CHML: variants seen among roughly 807,000 people sequenced by gnomAD.
CHML encodes the protein rab proteins geranylgeranyltransferase component A 2.
Under a neutral mutation model 30.4 loss-of-function variants are expected in CHML, and 20 were observed. The observed-to-expected ratio is 0.66, with a 90% confidence interval of 0.46 to 0.95. CHML has a LOEUF of 0.95. Ranked by LOEUF, CHML falls within the 40% of genes least tolerant of loss-of-function variation. CHML has a pLI of 0.00. For synonymous variants in CHML, 281 were observed against 275.0 expected, an observed-to-expected ratio of 1.02 and a Z score of -0.22; for missense variants, 795 against 768.5, an observed-to-expected ratio of 1.03 and a Z score of -0.41.
In CHML at chr1:241,631,192, A is replaced by C. The variant is rs1189720789; in HGVS notation, c.*2604T>G. The C allele has an allele frequency of 1.3e-5, 2 of 152,038 alleles. No homozygotes were observed. The highest frequency in any genetic ancestry group is 2.9e-5 in the Non-Finnish European group (2 of 67,970). 9.4% of individuals were successfully genotyped at this position (152,038 alleles called of 1,614,324 possible). On this transcript the variant is annotated 3_prime_UTR_variant, in exon 2 of 2. Transcript: ENST00000366553. ...TTATTGGTATAACTTCTCATTTCCC[A>C]CTTATTTTGTATTAAGAAATATATT...
rs765676878 is a variant in CHML, at chr1:241,634,150, G to A, written c.1617C>T (p.Asn539=). 24 of 1,613,452 alleles carry A rather than the reference G, an allele frequency of 1.5e-5. No individual in the cohort carries two copies. The Middle Eastern group carries it at 5.0e-4, about 33-fold the overall frequency. The part of the protein sequence containing the change: ...LFTPYTETEI[N]EEELTKPRLL... ...GTCTTGGCTTTGTAAGTTCTTCCTC[G>A]TTTATTTCTGTTTCAGTATACGGAG... The change falls in exon 2 of 2, where the codon AAC becomes AAT. Residue 539 remains asparagine, a synonymous_variant. Coordinates refer to ENST00000366553, the MANE Select transcript of CHML (RefSeq NM_001381853.1).
rs747649215 is a variant in CHML, at chr1:241,634,080, T to G, written c.1687A>C (p.Ser563Arg). Residue 563 changes from serine to arginine, a missense_variant, in exon 2 of 2, where the codon AGC (serine) becomes CGC (arginine). Coordinates refer to ENST00000366553, the MANE Select transcript of CHML (RefSeq NM_001381853.1). ...GGCAAGCCATTATACGAGCTTCTGC[T>G]GATTCCCGAGGAATCTCTCATATTA... ...YFNMRDSSGI[S>R]RSSYNGLPSN... The G allele has an allele frequency of 6.2e-7, 1 of 1,611,932 alleles. No individual in the cohort carries two copies. The highest frequency in any genetic ancestry group is 1.1e-5 in the South Asian group (1 of 90,674).
chr1:241,634,968 C>A lies in CHML; in HGVS notation c.799G>T (p.Ala267Ser). The A allele has an allele frequency of 6.2e-7, 1 of 1,613,574 alleles. No individual in the cohort carries two copies. Among genetic ancestry groups the A allele is most frequent in the Non-Finnish European group, 8.5e-7 (1 of 1,179,824 alleles). ...TGTTCTACCTTTCCTTCCCGAAATG[C>A]AAGAATCCTAGTGACATTTTTAAAT... ...VEFKNVTRIL[A>S]FREGKVEQVP... The change falls in exon 2 of 2, where the codon GCA becomes TCA. Residue 267 changes from alanine to serine, a missense_variant. Coordinates refer to ENST00000366553, the MANE Select transcript of CHML (RefSeq NM_001381853.1).
rs113330678 is a variant in CHML, at chr1:241,635,455, G to A, written c.312C>T (p.Tyr104=). The A allele has an allele frequency of 1.1e-4, 172 of 1,613,710 alleles. 2 individuals carry two copies. Among genetic ancestry groups the A allele is most frequent in the South Asian group, 8.3e-4 (76 of 91,036 alleles). ...CGTTGTCCTCCATATCCTGACTGGC[G>A]TAGCAAAAAGCTTCTGTGTGTTGAA... is the stretch of plus-strand genomic sequence containing the variant. ...ETIQHTEAFC[Y]ASQDMEDNVE... is the part of the protein sequence containing the mutation. The change falls in exon 2 of 2, where the codon TAC becomes TAT. Residue 104 remains tyrosine (Y), a synonymous_variant. Coordinates refer to ENST00000366553, the MANE Select transcript of CHML (RefSeq NM_001381853.1).
At position 241,635,506 on chromosome 1, in the gene CHML, G is replaced by A. The variant is rs1664860068; in HGVS notation, c.261C>T (p.Ile87=). The A allele has an allele frequency of 1.9e-6, 3 of 1,613,898 alleles. No homozygotes were observed. Among genetic ancestry groups the A allele is most frequent in the Non-Finnish European group, 2.5e-6 (3 of 1,179,936 alleles). ...TAGTTTCATCCTTCTTGCGAAGAGT[G>A]ATGGCTTCTTCTGTTTCATGGATCA... ...QDLIHETEEA[I]TLRKKDETIQ... Residue 87 remains isoleucine, a synonymous_variant, in exon 2 of 2, where the codon ATC becomes ATT. Coordinates refer to ENST00000366553, the MANE Select transcript of CHML (RefSeq NM_001381853.1).
intron 1 of CHML, 123 bp downstream of exon 1, chr1:241,639,759 G>C (rs1004504527): frequency 4.0e-6 from 4 of 1,011,396 alleles, no homozygotes; most frequent in South Asian, 2.0e-5. Flanking sequence ...GTGTAGGGCG[G>C]GGGGCGCGGG....
chr1:241,635,035 T>C lies in CHML; in HGVS notation c.732A>G (p.Leu244=). The C allele has an allele frequency of 6.2e-7, 1 of 1,613,300 alleles. No homozygotes were observed. Among genetic ancestry groups the C allele is most frequent in the Non-Finnish European group, 8.5e-7 (1 of 1,179,812 alleles). Residue 244 remains leucine (L), a synonymous_variant, in exon 2 of 2, where the codon CTA becomes CTG. Transcript: ENST00000366553. ...VSKLLYSQGL[L]IDLLIKSDVS... is the part of the protein sequence containing the mutation. ...CATCTGATTTGATTAAAAGATCAAT[T>C]AGCAATCCTTGAGAATACAGCAGTT... is the stretch of plus-strand genomic sequence containing the variant.
In CHML at chr1:241,635,662, C is replaced by G; in HGVS notation, c.105G>C (p.Leu35=). 6.2e-7 allele frequency: 1 copy of G among 1,614,046 alleles called. No individual in the cohort carries two copies. Among genetic ancestry groups the G allele is most frequent in the Non-Finnish European group, 8.5e-7 (1 of 1,179,916 alleles). The change falls in exon 2 of 2, where the codon CTG becomes CTC. Residue 35 remains leucine (L), a synonymous_variant. Coordinates refer to ENST00000366553, the MANE Select transcript of CHML (RefSeq NM_001381853.1). ...AACSRSGQRV[L]HIDSRSYYGG... ...CATAGTAGCTTCTTGAATCAATATG[C>G]AGAACCCTCTGACCACTTCTTGAAC... is the stretch of plus-strand genomic sequence containing the variant.
In CHML at chr1:241,630,384, A is replaced by G. The variant is rs1664583899; in HGVS notation, c.*3412T>C. 1 of 152,022 alleles carries G rather than the reference A, an allele frequency of 6.6e-6. No homozygotes were observed. The highest frequency in any genetic ancestry group is 1.5e-5 in the Non-Finnish European group (1 of 67,922). The allele number at this position is 152,022 out of a possible 1,614,324, so 9.4% of individuals were successfully genotyped here. On this transcript the variant is annotated 3_prime_UTR_variant, in exon 2 of 2. Coordinates refer to ENST00000366553, the MANE Select transcript of CHML (RefSeq NM_001381853.1). ...CTATGTAGTTATATAACTTTCTTTA[A>G]AAGTCTCATATATATTAATAACCAA...
rs76629357 is a variant in CHML at position 241,631,821 on chromosome 1, G to C, written c.*1975C>G. 3.9e-5 allele frequency: 6 copies of C among 151,912 alleles called. No homozygotes were observed. In the East Asian group the frequency reaches 1.2e-3, roughly 29 times the overall value. The allele number at this position is 151,912 out of a possible 1,614,324, so 9.4% of individuals were successfully genotyped here. On this transcript the variant is annotated 3_prime_UTR_variant, in exon 2 of 2. Transcript: ENST00000366553. ...GGACCAGTGTGTGCTTTTTACCCCC[G>C]GCAATGCTAGACTAATTTTCGTGGG...
At position 241,640,255 on chromosome 1, in the gene CHML, G is replaced by T. The variant is rs1370406208; in HGVS notation, c.-681C>A. On this transcript the variant is annotated 5_prime_UTR_variant, in exon 1 of 2. Coordinates refer to ENST00000366553, the MANE Select transcript of CHML (RefSeq NM_001381853.1). ...CGCCGCTGCGGTTCCCCGAGTACAT[G>T]GCCCGGCGCCGGCGCGCCTGGCGGG... The T allele has an allele frequency of 8.3e-7, 1 of 1,210,624 alleles. No individual in the cohort carries two copies. The highest frequency in any genetic ancestry group is 1.6e-5 in the African/African-American group (1 of 63,108). 75.0% of individuals were successfully genotyped at this position (1,210,624 alleles called of 1,614,324 possible).
rs1301011237 is a variant in CHML at position 241,630,340 on chromosome 1, C to T, written c.*3456G>A. On this transcript the variant is annotated 3_prime_UTR_variant, in exon 2 of 2. Transcript: ENST00000366553. ...CTCTTTAAACTTGCTTCTATTTAGG[C>T]ATCTTTCTTAATTTATCTCTATGTA... The T allele has an allele frequency of 6.6e-6, 1 of 152,006 alleles. No individual in the cohort carries two copies. The highest frequency in any genetic ancestry group is 1.5e-5 in the Non-Finnish European group (1 of 67,892). 9.4% of individuals were successfully genotyped at this position (152,006 alleles called of 1,614,324 possible).
At chr1:241,639,128 A>C (rs1665013750) in intron 1 of CHML, 1 of 152,256 alleles carries the variant, frequency 6.6e-6, no homozygotes, top group African/African-American at 2.4e-5. Context: ...TCAACAATGA[A>C]GTTCTACTTT....
intron 1 of CHML, 25 bp downstream of exon 1, chr1:241,639,857 G>A: frequency 1.3e-6 from 2 of 1,496,496 alleles, no homozygotes; most frequent in Non-Finnish European, 8.9e-7. Context: ...CAGAGGGGAG[G>A]CTGCCTTCTC....
At chr1:241,638,612 C>T (rs1476160511) in intron 1 of CHML, among the ~76,000 whole-genome samples, 2 of 152,116 alleles carry the variant, frequency 1.3e-5, no homozygotes, top group African/African-American at 2.4e-5. Context: ...GTCGTCCATA[C>T]CACAGCCTAC....
Position 241,639,987 on chromosome 1 carries a change from C to T in CHML, c.-413G>A. 1 of 1,612,724 alleles carries T rather than the reference C, an allele frequency of 6.2e-7. No homozygotes were observed. The highest frequency in any genetic ancestry group is 8.5e-7 in the Non-Finnish European group (1 of 1,179,472). ...GTAAAGGTGACCCCGAAGAGGGACACCAGCAGGTCGCTGAGGCTGATGTTG... is the reference window on the plus strand; with the variant it reads ...GTAAAGGTGACCCCGAAGAGGGACATCAGCAGGTCGCTGAGGCTGATGTTG... On this transcript the variant is annotated 5_prime_UTR_variant, in exon 1 of 2. The change creates a new upstream start codon in the 5' untranslated region. Transcript: ENST00000366553.
In CHML at chr1:241,634,073, C is replaced by G; in HGVS notation, c.1694G>C (p.Ser565Thr). The G allele has an allele frequency of 6.2e-7, 1 of 1,612,074 alleles. No homozygotes were observed. Among genetic ancestry groups the G allele is most frequent in the Non-Finnish European group, 8.5e-7 (1 of 1,179,256 alleles). ...ATTGGAAGGCAAGCCATTATACGAG[C>G]TTCTGCTGATTCCCGAGGAATCTCT... ...NMRDSSGISRSSYNGLPSNVY... is the reference protein window; with the variant it reads ...NMRDSSGISRTSYNGLPSNVY... Residue 565 changes from serine to threonine, a missense_variant, in exon 2 of 2, where the codon AGC (serine) becomes ACC (threonine). Transcript: ENST00000366553.
In CHML at chr1:241,639,981, G is replaced by C; in HGVS notation, c.-407C>G. ...ACGAAGGTAAAGGTGACCCCGAAGA[G>C]GGACACCAGCAGGTCGCTGAGGCTG... On this transcript the variant is annotated 5_prime_UTR_variant, in exon 1 of 2. Coordinates refer to ENST00000366553, the MANE Select transcript of CHML (RefSeq NM_001381853.1). 1 of 1,612,714 alleles carries C rather than the reference G, an allele frequency of 6.2e-7. No individual in the cohort carries two copies. The highest frequency in any genetic ancestry group is 1.1e-5 in the South Asian group (1 of 90,906).
intron 1 of CHML, among the ~76,000 whole-genome samples, chr1:241,638,841 G>C (rs1665002487): frequency 6.6e-6 from 1 of 152,098 alleles, no homozygotes; most frequent in Non-Finnish European, 1.5e-5. Context: ...AAATATTTTT[G>C]ATAATTCTAC....
Sources: allele counts gnomAD v4.1 joint callset (sites outside exome capture counted in the v4.1 genomes callset), GRCh38; gene constraint gnomAD v4.1.1; transcripts MANE v1.5; gene names NCBI Gene and HGNC (gene_info 2026-07-23, HGNC 2026-07-21).